HTR1F: variants seen among roughly 807,000 people sequenced by gnomAD.
HTR1F encodes the protein 5-hydroxytryptamine (serotonin) receptor 1F, G protein-coupled.
Under a neutral mutation model 24.0 loss-of-function variants are expected in HTR1F, and 17 were observed. The observed-to-expected ratio is 0.71, with a 90% CI of 0.48 to 1.06. The LOEUF (loss-of-function observed/expected upper bound fraction) is 1.06. HTR1F is among the 50% of genes least tolerant of loss of function. The pLI is 0.00. For synonymous variants in HTR1F, 186 were observed against 156.8 expected (o/e 1.19, Z -1.39); for missense variants, 391 against 427.8 (o/e 0.91, Z 0.76).
intron 1 of HTR1F, among the ~76,000 whole-genome samples, chr3:87,814,559 A>C (rs1704217177): frequency 6.6e-6 from 1 of 151,988 alleles, no homozygotes; most frequent in Admixed American, 6.6e-5. Flanking sequence ...CCAACATTCT[A>C]CTCTGCTCCT....
At chr3:87,959,931 G>GA (rs1453803783) in intron 2 of HTR1F, among the ~76,000 whole-genome samples, 10 of 151,972 alleles carry the variant, frequency 6.6e-5, no homozygotes, top group South Asian at 6.2e-4. Context: ...TTTTCCATCT[G>GA]AAAAAATCCT....
intron 2 of HTR1F, among the ~76,000 whole-genome samples, chr3:87,903,461 A>C (rs1444766902): frequency 6.6e-6 from 1 of 151,890 alleles, no homozygotes; most frequent in Non-Finnish European, 1.5e-5. Context: ...AAAAGTGGGC[A>C]AAGGACATGA....
At chr3:87,916,191 C>T (rs1380567481) in intron 2 of HTR1F, among the ~76,000 whole-genome samples, 1 of 151,394 alleles carries the variant, frequency 6.6e-6, no homozygotes, top group Admixed American at 6.6e-5. Flanking sequence ...ACTACAAGAA[C>T]TGCTAAAGGG....
At chr3:87,819,305 T>A (rs1171738296) in intron 1 of HTR1F, among the ~76,000 whole-genome samples, 1 of 152,062 alleles carries the variant, frequency 6.6e-6, no homozygotes, top group Non-Finnish European at 1.5e-5. Flanking sequence ...GGCATTTGTG[T>A]TTTTGGTATA....
intron 2 of HTR1F, among the ~76,000 whole-genome samples, chr3:87,906,089 G>T: frequency 6.6e-6 from 1 of 151,954 alleles, no homozygotes; most frequent in African/African-American, 2.4e-5. Flanking sequence ...ACAGTAAAAA[G>T]AGAAAAAATA....
chr3:87,951,483 T>C (rs532725928), intron 2 of HTR1F, among the ~76,000 whole-genome samples: 3 of 152,150 alleles, frequency 2.0e-5, no homozygotes, highest in African/African-American at 4.8e-5. Flanking sequence ...TACCCCAGAA[T>C]TGTTTTAATA....
intron 2 of HTR1F, among the ~76,000 whole-genome samples, chr3:87,914,153 C>G (rs1275973283): frequency 1.3e-5 from 2 of 152,040 alleles, no homozygotes; most frequent in Non-Finnish European, 2.9e-5. Flanking sequence ...ATTTAGAGAG[C>G]CCAGCATAAT....
intron 2 of HTR1F, among the ~76,000 whole-genome samples, chr3:87,903,172 CT>C (rs1287483768): frequency 2.6e-5 from 4 of 151,876 alleles, no homozygotes; most frequent in Admixed American, 2.6e-4. Flanking sequence ...CATAAAAACC[CT>C]AGAAGAAAAC....
intron 2 of HTR1F, among the ~76,000 whole-genome samples, chr3:87,973,318 C>T (rs541802648): frequency 1.3e-5 from 2 of 152,296 alleles, no homozygotes; most frequent in South Asian, 4.1e-4. Flanking sequence ...ACTGCCATAA[C>T]CTATTCAAAT....
At chr3:87,861,323 G>A (rs1442633179) in intron 2 of HTR1F, among the ~76,000 whole-genome samples, 3 of 152,032 alleles carry the variant, frequency 2.0e-5, no homozygotes, top group African/African-American at 4.8e-5. Flanking sequence ...TCCTATCACT[G>A]TGAATACTAA....
intron 2 of HTR1F, among the ~76,000 whole-genome samples, chr3:87,926,838 C>T (rs545367540): frequency 1.7e-3 from 257 of 152,206 alleles, no homozygotes; most frequent in African/African-American, 5.9e-3. Flanking sequence ...CAGGACGACA[C>T]GGTGATAGGT....
intron 1 of HTR1F, among the ~76,000 whole-genome samples, chr3:87,821,420 C>T (rs1469735870): frequency 6.6e-6 from 1 of 152,086 alleles, no homozygotes; most frequent in African/African-American, 2.4e-5. Context: ...CAGTCTTCAC[C>T]TTATGATACC....
At chr3:87,866,980 G>C (rs1443111560) in intron 2 of HTR1F, among the ~76,000 whole-genome samples, 1 of 151,790 alleles carries the variant, frequency 6.6e-6, no homozygotes, top group Non-Finnish European at 1.5e-5. Flanking sequence ...GTAATAGCCA[G>C]CTTAGATAAT....
At chr3:87,857,689 C>T (rs1045279514) in intron 2 of HTR1F, among the ~76,000 whole-genome samples, 3 of 152,090 alleles carry the variant, frequency 2.0e-5, no homozygotes, top group African/African-American at 7.2e-5. Flanking sequence ...TAGCAACATT[C>T]CCCACCGAAG....
chr3:87,928,323 GCACGAGCCAC>G (rs1374426468), intron 2 of HTR1F, among the ~76,000 whole-genome samples: 1 of 152,060 alleles, frequency 6.6e-6, no homozygotes, highest in Non-Finnish European at 1.5e-5. Flanking sequence ...TGGATTACAG[GCACGAGCCAC>G]CACGCTAGGC....
At chr3:87,933,119 T>C (rs1470615221) in intron 2 of HTR1F, among the ~76,000 whole-genome samples, 2 of 151,716 alleles carry the variant, frequency 1.3e-5, no homozygotes, top group Admixed American at 1.3e-4. Flanking sequence ...ATTATCTCAA[T>C]AGATGCAGAA....
intron 2 of HTR1F, among the ~76,000 whole-genome samples, chr3:87,843,926 A>G (rs1286364389): frequency 1.3e-5 from 2 of 151,486 alleles, no homozygotes; most frequent in East Asian, 3.9e-4. Flanking sequence ...CCAGTCTATC[A>G]TTGTTGGACA....
intron 2 of HTR1F, among the ~76,000 whole-genome samples, chr3:87,866,819 CGTGTGTGT>C (rs763994292): frequency 1.4e-4 from 13 of 96,132 alleles, no homozygotes; most frequent in East Asian, 3.0e-4. Flanking sequence ...AGTGTGCGTG[CGTGTGTGT>C]GTGTGTGTGT....
intron 2 of HTR1F, among the ~76,000 whole-genome samples, chr3:87,841,770 C>T (rs1010230790): frequency 1.1e-4 from 17 of 150,998 alleles, no homozygotes; most frequent in African/African-American, 3.2e-4. Flanking sequence ...CGTGGTGGCG[C>T]GCTCCTGTAA....
Sources: gnomAD v4.1 joint callset for allele counts (sites outside exome capture counted in the v4.1 genomes callset) on GRCh38, gnomAD v4.1.1 for gene constraint, MANE v1.5 for transcripts, NCBI Gene and HGNC (gene_info 2026-07-23, HGNC 2026-07-21) for gene names.